The following DYNC1LI2 variants were observed in gnomAD, a reference collection of about 807,000 sequenced individuals.
DYNC1LI2 encodes dynein cytoplasmic 1 light intermediate chain 2.
In DYNC1LI2, 19 loss-of-function variants were observed where a neutral mutation model predicts 57.8. The observed-to-expected ratio is 0.33, with a 90% CI of 0.23 to 0.48. The LOEUF (loss-of-function observed/expected upper bound fraction) is 0.48, where lower values mean the gene tolerates loss of function less well. Among genes scored for constraint, DYNC1LI2 ranks in the 20% least tolerant of loss-of-function variants. DYNC1LI2 has a pLI of 0.99. For missense variants in DYNC1LI2, 470 were observed against 604.2 expected, an observed-to-expected ratio of 0.78 and a Z score of 2.33; for synonymous variants, 256 against 233.4, an observed-to-expected ratio of 1.10 and a Z score of -0.88.
chr16:66,734,302 C>T lies in DYNC1LI2; in HGVS notation c.709G>A (p.Val237Met). Reference sequence around the variant, plus strand: ...TCGTGCTCCTTCTCCAGGACACTCACCGCATCACACTGCAGGGAAGACAGA... The same window carrying T: ...TCGTGCTCCTTCTCCAGGACACTCATCGCATCACACTGCAGGGAAGACAGA... ...VLVVCTKCDAVSVLEKEHDYR... is the reference protein window; with the variant it reads ...VLVVCTKCDAMSVLEKEHDYR... Residue 237 changes from valine to methionine, a missense_variant, in exon 6 of 13, where the codon GTG becomes ATG. Physicochemically the swap from Val to Met is conservative, Grantham distance 21. Transcript: ENST00000258198. 1 of 1,614,144 alleles carries T rather than the reference C, an allele frequency of 6.2e-7. No individual in the cohort carries two copies. Among genetic ancestry groups the T allele is most frequent in the Non-Finnish European group, 8.5e-7 (1 of 1,179,996 alleles).
intron 4 of DYNC1LI2, among the ~76,000 whole-genome samples, chr16:66,742,121 C>G (rs530421778): frequency 2.0e-5 from 3 of 152,188 alleles, no homozygotes; most frequent in African/African-American, 7.2e-5. Flanking sequence ...ACTCAGCAGA[C>G]AGAGAGTAAC....
At position 66,751,020 on chromosome 16, in the gene DYNC1LI2, G is replaced by A. The variant is rs2018037479; in HGVS notation, c.181+253C>T. ...TTTGGTAACCGTCGAGGCAATGAAG[G>A]CATAGAGGGCCAAGTGACTGAAACA... On this transcript the variant is annotated intron_variant, in intron 2 of 12. Transcript: ENST00000258198. This position sits in a 1 kb window ranked among gnomAD's most constrained non-coding sequence, Gnocchi z 5.2. Among the ~76,000 whole-genome samples, 1 of 152,300 alleles carries A rather than the reference G, an allele frequency of 6.6e-6. No homozygotes were observed. The highest frequency in any genetic ancestry group is 2.4e-5 in the African/African-American group (1 of 41,566).
chr16:66,739,007 A>C (rs2017790732), intron 4 of DYNC1LI2: 1 of 152,180 alleles, frequency 6.6e-6, no homozygotes, highest in Admixed American at 6.5e-5. Flanking sequence ...ACAGAGAAGA[A>C]CTCCTCCATG....
intron 6 of DYNC1LI2, chr16:66,733,170 A>G (rs2144980916): frequency 1.3e-5 from 2 of 152,376 alleles, no homozygotes; most frequent in Middle Eastern, 3.4e-3. Context: ...CATAAAAGCA[A>G]AGTTTAAAAA....
At chr16:66,731,836 C>T in intron 7 of DYNC1LI2, 1 of 152,724 alleles carries the variant, frequency 6.5e-6, no homozygotes, top group East Asian at 1.9e-4. Context: ...AAGACACCAG[C>T]TTAGGAAAAC....
chr16:66,734,281 G>T lies in DYNC1LI2; in HGVS notation c.730C>A (p.His244Asn). 1 of 1,614,098 alleles carries T rather than the reference G, an allele frequency of 6.2e-7. No individual in the cohort carries two copies. Among genetic ancestry groups the T allele is most frequent in the Non-Finnish European group, 8.5e-7 (1 of 1,180,008 alleles). ...CDAVSVLEKE[H>N]DYRDEHLDFI... is the part of the protein sequence containing the mutation. The stretch of plus-strand genomic sequence containing the variant: ...TCCAAATGCTCATCCCTGTAATCGT[G>T]CTCCTTCTCCAGGACACTCACCGCA... The change falls in exon 6 of 13, where the codon CAC becomes AAC. Residue 244 changes from histidine to asparagine, a missense_variant. By Grantham distance (68) the His-to-Asn change is moderately conservative. Coordinates refer to ENST00000258198, the MANE Select transcript of DYNC1LI2 (RefSeq NM_006141.3).
intron 2 of DYNC1LI2, among the ~76,000 whole-genome samples, chr16:66,750,653 T>C (rs938231397): frequency 1.3e-5 from 2 of 151,956 alleles, no homozygotes; most frequent in African/African-American, 4.8e-5. Context: ...TGTTTAAGAG[T>C]CGCCTATGCT....
At chr16:66,738,878 A>C (rs1203532885) in intron 4 of DYNC1LI2, 7 of 124,042 alleles carry the variant, frequency 5.6e-5, no homozygotes, top group African/African-American at 9.8e-5. Flanking sequence ...GTTTCAAAAA[A>C]AAACAAACAC....
intron 3 of DYNC1LI2, among the ~76,000 whole-genome samples, chr16:66,745,811 G>A (rs967186156): frequency 1.3e-5 from 2 of 151,814 alleles, no homozygotes; most frequent in African/African-American, 4.8e-5. Context: ...GACTGAGGAG[G>A]GAGGACTGCT....
chr16:66,728,933 T>C (rs1420740192), intron 9 of DYNC1LI2, 107 bp downstream of exon 9: 1 of 1,163,230 alleles, frequency 8.6e-7, no homozygotes, highest in East Asian at 2.3e-5. Context: ...CCTCTACCAC[T>C]GCAAGCTCTT....
chr16:66,745,710 C>A (rs1399415861), intron 3 of DYNC1LI2, among the ~76,000 whole-genome samples: 1 of 151,800 alleles, frequency 6.6e-6, no homozygotes, highest in East Asian at 2.0e-4. Context: ...TCAGGACCAG[C>A]CTGGACAACA....
chr16:66,747,433 AC>A (rs1283452687), intron 3 of DYNC1LI2, among the ~76,000 whole-genome samples: 2 of 152,036 alleles, frequency 1.3e-5, no homozygotes, highest in Non-Finnish European at 2.9e-5. Flanking sequence ...GCTGGAAAGG[AC>A]CTTGGTTCAA....
chr16:66,736,345 C>G, intron 4 of DYNC1LI2, 101 bp from the exon 5 acceptor site: 1 of 1,376,430 alleles, frequency 7.3e-7, no homozygotes. Flanking sequence ...AAAACACAGG[C>G]AGTTGTGTGT....
chr16:66,749,708 A>C (rs962153911), intron 2 of DYNC1LI2, among the ~76,000 whole-genome samples: 2 of 152,228 alleles, frequency 1.3e-5, no homozygotes, highest in Non-Finnish European at 2.9e-5. Flanking sequence ...TGATACAATT[A>C]ACCTAAAAGT....
rs1257897814 is a variant in DYNC1LI2, at chr16:66,751,191, G to C, written c.181+82C>G. 7 of 1,462,638 alleles carry C rather than the reference G, an allele frequency of 4.8e-6. No homozygotes were observed. The highest frequency in any genetic ancestry group is 2.5e-5 in the East Asian group (1 of 40,522). The allele number at this position is 1,462,638 out of a possible 1,614,324, so 90.6% of individuals were successfully genotyped here. A position where few individuals can be genotyped will look rare whatever the true frequency, so the allele number is the denominator to read the frequency against. On this transcript the variant is annotated intron_variant, in intron 2 of 12. Transcript: ENST00000258198. This position sits in a 1 kb window ranked among gnomAD's most constrained non-coding sequence, Gnocchi z 5.2. Reference sequence around the variant, plus strand: ...CAGGCTGCGGGCAGGCGGCTGGAACGGGGAAGGCGGGGACCTGAGGGAGGG... The same window carrying C: ...CAGGCTGCGGGCAGGCGGCTGGAACCGGGAAGGCGGGGACCTGAGGGAGGG...
rs1402131049 is a variant in DYNC1LI2 at position 66,732,247 on chromosome 16, G to C, written c.929+92C>G. The C allele has an allele frequency of 4.7e-6, 7 of 1,486,534 alleles. 1 individual carries two copies. The Admixed American group carries it at 8.6e-5, about 18-fold the overall frequency. 92.1% of individuals were successfully genotyped at this position (1,486,534 alleles called of 1,614,324 possible). ...GAGAGAGCTGGCTGTAGAAGACACA[G>C]ACAGAAGGCACCTTCCTTGAAGGGG... is the stretch of plus-strand genomic sequence containing the variant. On this transcript the variant is annotated intron_variant, in intron 7 of 12. Transcript: ENST00000258198.
rs773765799 is a variant in DYNC1LI2 at position 66,749,188 on chromosome 16, T to C, written c.298+9A>G. ...CACCCCCTTACCATGGGACCAATGCTTCACTCACCATCTCGGTCCTCATCA... is the reference window on the plus strand; with the variant it reads ...CACCCCCTTACCATGGGACCAATGCCTCACTCACCATCTCGGTCCTCATCA... On this transcript the variant is annotated intron_variant, in intron 3 of 12. Coordinates refer to ENST00000258198, the MANE Select transcript of DYNC1LI2 (RefSeq NM_006141.3). 2 of 1,613,724 alleles carry C rather than the reference T, an allele frequency of 1.2e-6. No individual in the cohort carries two copies. The highest frequency in any genetic ancestry group is 1.7e-6 in the Non-Finnish European group (2 of 1,179,622).
intron 9 of DYNC1LI2, 117 bp from the exon 10 acceptor site, chr16:66,728,359 CTA>C: frequency 8.2e-7 from 1 of 1,222,014 alleles, no homozygotes; most frequent in Non-Finnish European, 1.2e-6. Context: ...CAACTAAGTC[CTA>C]TGTTTTATAC....
chr16:66,747,432 G>C (rs1442460688), intron 3 of DYNC1LI2, among the ~76,000 whole-genome samples: 2 of 152,114 alleles, frequency 1.3e-5, no homozygotes, highest in African/African-American at 4.8e-5. Context: ...TGCTGGAAAG[G>C]ACCTTGGTTC....
Sources: allele counts gnomAD v4.1 joint callset (sites outside exome capture counted in the v4.1 genomes callset), GRCh38; gene constraint gnomAD v4.1.1; non-coding constraint Gnocchi (gnomAD v3.1); transcripts MANE v1.5; gene names NCBI Gene and HGNC (gene_info 2026-07-23, HGNC 2026-07-21).